Variants in SDK1 observed in about 807,000 individuals in gnomAD.
SDK1 encodes the protein sidekick cell adhesion molecule 1.
Under a neutral mutation model 245.5 loss-of-function variants are expected in SDK1, and 157 were observed. The ratio of observed to expected loss-of-function variants is 0.64; its 90% CI spans 0.56 to 0.73. The LOEUF (loss-of-function observed/expected upper bound fraction) is 0.73. SDK1 is among the 30% of genes least tolerant of loss of function. The pLI is 0.00. For synonymous variants in SDK1, 1,647 were observed against 1,278.5 expected (o/e 1.29, Z -6.15); for missense variants, 3,583 against 3,002.3 (o/e 1.19, Z -4.52).
intron 22 of SDK1, among the ~76,000 whole-genome samples, chr7:4,101,089 C>G (rs1427821919): frequency 6.6e-6 from 1 of 152,144 alleles, no homozygotes; most frequent in African/African-American, 2.4e-5. Flanking sequence ...CCCCGAAAAC[C>G]AACAGCTGGG....
intron 1 of SDK1, among the ~76,000 whole-genome samples, chr7:3,456,843 C>A (rs184375324): frequency 1.3e-5 from 2 of 152,278 alleles, no homozygotes; most frequent in East Asian, 3.9e-4. Flanking sequence ...GTTATTTTAG[C>A]TGACAGCCCC....
At chr7:4,106,785 GT>G (rs1172508778) in intron 22 of SDK1, among the ~76,000 whole-genome samples, 1 of 151,980 alleles carries the variant, frequency 6.6e-6, no homozygotes, top group Non-Finnish European at 1.5e-5. Context: ...GTTCTCTTTC[GT>G]TCCTCTTGGT....
intron 1 of SDK1, among the ~76,000 whole-genome samples, chr7:3,613,867 C>T (rs1270879156): frequency 6.6e-6 from 1 of 152,142 alleles, no homozygotes; most frequent in East Asian, 1.9e-4. Context: ...CAAACTAACA[C>T]AGGAACAGAA....
At chr7:4,238,125 G>A (rs1008900839) in intron 42 of SDK1, among the ~76,000 whole-genome samples, 31 of 151,726 alleles carry the variant, frequency 2.0e-4, no homozygotes, top group African/African-American at 7.3e-4. Context: ...TGTCACCCAG[G>A]TTGGAGTGCA....
intron 25 of SDK1, among the ~76,000 whole-genome samples, chr7:4,116,407 G>T (rs376784285): frequency 2.6e-5 from 4 of 152,312 alleles, no homozygotes; most frequent in African/African-American, 7.2e-5. Context: ...ACCAGCACGT[G>T]CCCAGTGCAT....
chr7:3,811,177 A>G (rs1779374349), intron 4 of SDK1, among the ~76,000 whole-genome samples: 2 of 152,180 alleles, frequency 1.3e-5, no homozygotes, highest in African/African-American at 4.8e-5. Context: ...GCACTTCATC[A>G]GTGTCCTTTT....
intron 1 of SDK1, among the ~76,000 whole-genome samples, chr7:3,315,602 G>C (rs1202981873): frequency 6.6e-6 from 1 of 152,190 alleles, no homozygotes; most frequent in African/African-American, 2.4e-5. Flanking sequence ...GTATGATTAA[G>C]AAATAGACCA....
chr7:3,891,131 T>G (rs1781447967), intron 5 of SDK1, among the ~76,000 whole-genome samples: 1 of 152,100 alleles, frequency 6.6e-6, no homozygotes, highest in African/African-American at 2.4e-5. Flanking sequence ...AAAGACAGGA[T>G]AAGCCCAGTG....
intron 14 of SDK1, among the ~76,000 whole-genome samples, chr7:4,004,667 C>G (rs965701457): frequency 1.3e-5 from 2 of 152,186 alleles, no homozygotes; most frequent in African/African-American, 4.8e-5. Flanking sequence ...TCCTCACTTT[C>G]CTTTTGCTAG....
intron 1 of SDK1, among the ~76,000 whole-genome samples, chr7:3,614,940 G>A (rs935380482): frequency 6.6e-6 from 1 of 151,124 alleles, no homozygotes; most frequent in Non-Finnish European, 1.5e-5. Context: ...CCAGCTCACA[G>A]TATCCAGCCT....
chr7:3,786,826 A>C (rs1228093986), intron 4 of SDK1, among the ~76,000 whole-genome samples: 1 of 152,086 alleles, frequency 6.6e-6, no homozygotes. Flanking sequence ...CGGTAGTACT[A>C]CTGTACAGCT....
chr7:3,838,979 C>A (rs1780092403), intron 5 of SDK1, among the ~76,000 whole-genome samples: 1 of 152,158 alleles, frequency 6.6e-6, no homozygotes, highest in East Asian at 1.9e-4. Context: ...CACGTCCTGT[C>A]TGCTCCCTAC....
At chr7:4,019,000 A>G (rs539006933) in intron 17 of SDK1, among the ~76,000 whole-genome samples, 1 of 152,168 alleles carries the variant, frequency 6.6e-6, no homozygotes, top group Non-Finnish European at 1.5e-5. Flanking sequence ...AACAGCTCTC[A>G]TGGATTCCAG....
At chr7:3,655,218 G>A (rs1218420740) in intron 4 of SDK1, among the ~76,000 whole-genome samples, 3 of 151,578 alleles carry the variant, frequency 2.0e-5, no homozygotes, top group African/African-American at 7.3e-5. Context: ...CAGATCATCT[G>A]AGGTTGGGAG....
chr7:3,375,243 G>C (rs1781325560), intron 1 of SDK1, among the ~76,000 whole-genome samples: 1 of 151,958 alleles, frequency 6.6e-6, no homozygotes, highest in Non-Finnish European at 1.5e-5. Flanking sequence ...GTGGAGACTT[G>C]CCTTTACATG....
intron 13 of SDK1, among the ~76,000 whole-genome samples, chr7:3,984,150 A>G (rs183841062): frequency 5.9e-5 from 9 of 152,146 alleles, no homozygotes; most frequent in Non-Finnish European, 1.2e-4. Flanking sequence ...GCAGGGGGAA[A>G]ATCTGAAACC....
chr7:3,580,353 G>C (rs918347305), intron 1 of SDK1, among the ~76,000 whole-genome samples: 3 of 152,138 alleles, frequency 2.0e-5, no homozygotes, highest in Non-Finnish European at 4.4e-5. Flanking sequence ...TAAACAAAAA[G>C]AGCAAAGCTG....
intron 5 of SDK1, among the ~76,000 whole-genome samples, chr7:3,942,734 C>T (rs759790323): frequency 2.7e-4 from 41 of 152,138 alleles, no homozygotes; most frequent in Non-Finnish European, 5.4e-4. Flanking sequence ...AAGAAAACCC[C>T]ATAGATGTAG....
chr7:3,748,085 A>G (rs1241524049), intron 4 of SDK1, among the ~76,000 whole-genome samples: 1 of 152,220 alleles, frequency 6.6e-6, no homozygotes, highest in Non-Finnish European at 1.5e-5. Flanking sequence ...ATTATATACT[A>G]TATAACCATT....
Sources: allele counts gnomAD v4.1 joint callset (sites outside exome capture counted in the v4.1 genomes callset), GRCh38; gene constraint gnomAD v4.1.1; transcripts MANE v1.5; gene names NCBI Gene and HGNC (gene_info 2026-07-23, HGNC 2026-07-21).